AGBL4: variants seen among roughly 807,000 people sequenced by gnomAD.
AGBL4 encodes the protein cytosolic carboxypeptidase 6.
In AGBL4, 58 loss-of-function variants were observed where a neutral mutation model predicts 66.4. The observed-to-expected ratio is 0.87, with a 90% confidence interval of 0.71 to 1.09. AGBL4 has a LOEUF of 1.09. Among genes scored for constraint, AGBL4 ranks in the 50% least tolerant of loss-of-function variants. The pLI is 0.00. For synonymous variants in AGBL4, 234 were observed against 222.9 expected (o/e 1.05, Z -0.44); for missense variants, 579 against 631.0 (o/e 0.92, Z 0.88).
intron 4 of AGBL4, among the ~76,000 whole-genome samples, chr1:49,049,179 A>C (rs10888645): frequency 0.1 from 15,541 of 151,888 alleles, 1,307 homozygotes; most frequent in African/African-American, 0.22. Flanking sequence ...CAATATCTCT[A>C]TGTTTTGTGC....
intron 1 of AGBL4, among the ~76,000 whole-genome samples, chr1:49,974,889 G>A (rs529212056): frequency 1.2e-4 from 19 of 152,132 alleles, no homozygotes; most frequent in African/African-American, 4.3e-4. Flanking sequence ...GGAATAGAAA[G>A]AATGAAATTC....
Position 49,556,803 on chromosome 1 carries a change from T to G in AGBL4, c.282+140510A>C, listed in dbSNP as rs574040636. Among the ~76,000 whole-genome samples the G allele has an allele frequency of 6.6e-5, 10 of 152,038 alleles. No individual in the cohort carries two copies. The South Asian group carries it at 1.7e-3, about 25-fold the overall frequency. ...GCTCGTGCGGTGCAAGGGGTGGGCA[T>G]GAGGGCTTGGGCATGGCAGGCTGCA... On this transcript the variant is annotated intron_variant, in intron 3 of 13. Coordinates refer to ENST00000371839, the MANE Select transcript of AGBL4 (RefSeq NM_032785.4).
intron 9 of AGBL4, among the ~76,000 whole-genome samples, chr1:48,627,763 G>T (rs1004248072): frequency 6.6e-6 from 1 of 152,010 alleles, no homozygotes; most frequent in Non-Finnish European, 1.5e-5. Context: ...TCTAGTAAAC[G>T]GGGGGAAATC....
In AGBL4 at chr1:49,322,321, A is replaced by C. The variant is rs77238133; in HGVS notation, c.283-76457T>G. Among the ~76,000 whole-genome samples, 94 of 152,352 alleles carry C rather than the reference A, an allele frequency of 6.2e-4. 2 individuals carry two copies. In the East Asian group the frequency reaches 0.017, roughly 27 times the overall value. On this transcript the variant is annotated intron_variant, in intron 3 of 13. Transcript: ENST00000371839. ...AGGTGATTGTATGTGGATGAAAATC[A>C]ATGATACATGAAAATGGACAGGAAG...
In AGBL4 at chr1:49,561,033, T is replaced by C. The variant is rs556867483; in HGVS notation, c.282+136280A>G. On this transcript the variant is annotated intron_variant, in intron 3 of 13. Transcript: ENST00000371839. ...CCTGAAGGTACAAACTCACTGCTAA[T>C]AGTAAGGACATGGAAAACACAAAAT... Among the ~76,000 whole-genome samples, 156 of 152,196 alleles carry C rather than the reference T, an allele frequency of 1.0e-3. 1 individual carries two copies. The highest frequency in any genetic ancestry group is 3.6e-3 in the African/African-American group (151 of 41,542).
intron 10 of AGBL4, 105 bp from the exon 11 acceptor site, chr1:48,587,271 G>C (rs1041035543): frequency 2.7e-6 from 3 of 1,109,240 alleles, no homozygotes. Context: ...TGTCTGAAGA[G>C]TGGGATATTA....
In AGBL4 at chr1:49,756,428, A is replaced by G. The variant is rs545207403; in HGVS notation, c.158-58991T>C. Among the ~76,000 whole-genome samples, 8 of 152,332 alleles carry G rather than the reference A, an allele frequency of 5.3e-5. No homozygotes were observed. The East Asian group carries it at 1.5e-3, about 29-fold the overall frequency. ...AAGTACTAAAATTGCTCCACAATAG[A>G]TTTGAGACTAAAGTCAGGCCTCTGG... On this transcript the variant is annotated intron_variant, in intron 2 of 13. Transcript: ENST00000371839.
chr1:49,295,306 C>G (rs776031576), intron 3 of AGBL4, among the ~76,000 whole-genome samples: 2 of 152,054 alleles, frequency 1.3e-5, no homozygotes. Flanking sequence ...TGCAGTGTTA[C>G]CAGAACATGG....
chr1:49,725,658 C>CAT (rs1432104998), intron 2 of AGBL4, among the ~76,000 whole-genome samples: 1 of 149,742 alleles, frequency 6.7e-6, no homozygotes, highest in African/African-American at 2.5e-5. Context: ...AAGTCATATC[C>CAT]ATTAATGTTC....
At chr1:49,800,033 T>C (rs1339660473) in intron 2 of AGBL4, among the ~76,000 whole-genome samples, 1 of 152,212 alleles carries the variant, frequency 6.6e-6, no homozygotes, top group African/African-American at 2.4e-5. Context: ...GTCACTTCCA[T>C]AGTATCTGCC....
intron 1 of AGBL4, chr1:49,995,488 G>A (rs1660302384): frequency 8.6e-6 from 3 of 349,280 alleles, no homozygotes; most frequent in Admixed American, 7.6e-5. Flanking sequence ...AGGGGCTGAA[G>A]CAGGCCCTGC....
chr1:49,270,383 A>G (rs1176108133), intron 3 of AGBL4, among the ~76,000 whole-genome samples: 1 of 152,040 alleles, frequency 6.6e-6, no homozygotes, highest in Non-Finnish European at 1.5e-5. Flanking sequence ...GCCAGTCTCA[A>G]ATTGGCTGGG....
intron 3 of AGBL4, among the ~76,000 whole-genome samples, chr1:49,356,399 CT>C (rs1396991564): frequency 6.6e-6 from 1 of 152,116 alleles, no homozygotes; most frequent in Non-Finnish European, 1.5e-5. Flanking sequence ...ACTAGATGCC[CT>C]GAAAACAAGT....
At chr1:49,687,638 G>A (rs1264321124) in intron 3 of AGBL4, among the ~76,000 whole-genome samples, 1 of 152,032 alleles carries the variant, frequency 6.6e-6, no homozygotes, top group African/African-American at 2.4e-5. Context: ...CCAGCATGGT[G>A]GTGCACTCCT....
At chr1:49,464,363 T>G (rs1272052651) in intron 3 of AGBL4, among the ~76,000 whole-genome samples, 1 of 151,794 alleles carries the variant, frequency 6.6e-6, no homozygotes, top group Non-Finnish European at 1.5e-5. Context: ...CATTAATTTA[T>G]TTACTCCTTC....
At chr1:48,742,951 A>C (rs1467116175) in intron 6 of AGBL4, among the ~76,000 whole-genome samples, 1 of 152,206 alleles carries the variant, frequency 6.6e-6, no homozygotes, top group Non-Finnish European at 1.5e-5. Flanking sequence ...CACAAGGGAA[A>C]AGGTGGAAAA....
At chr1:50,008,896 C>T (rs1315816726) in intron 1 of AGBL4, among the ~76,000 whole-genome samples, 2 of 151,948 alleles carry the variant, frequency 1.3e-5, no homozygotes, top group African/African-American at 4.8e-5. Flanking sequence ...AAATGAAAAA[C>T]CTAGCAGAAA....
intron 6 of AGBL4, among the ~76,000 whole-genome samples, chr1:48,737,257 C>T (rs1356553064): frequency 1.3e-5 from 2 of 151,950 alleles, no homozygotes; most frequent in African/African-American, 4.8e-5. Context: ...GCACTCCAGT[C>T]TGGGAGACAG....
intron 2 of AGBL4, among the ~76,000 whole-genome samples, chr1:49,803,936 C>A (rs924784166): frequency 2.6e-5 from 4 of 152,098 alleles, no homozygotes; most frequent in African/African-American, 9.7e-5. Context: ...GAAGTTAAAA[C>A]AAAGTAACCT....
Sources: gnomAD v4.1 joint callset for allele counts (sites outside exome capture counted in the v4.1 genomes callset) on GRCh38, gnomAD v4.1.1 for gene constraint, MANE v1.5 for transcripts, NCBI Gene and HGNC (gene_info 2026-07-23, HGNC 2026-07-21) for gene names.